SARNP: variants seen among roughly 807,000 people sequenced by gnomAD.
SARNP encodes SAP domain-containing ribonucleoprotein.
Under a neutral mutation model 38.1 loss-of-function variants are expected in SARNP, and 5 were observed. The observed-to-expected ratio is 0.13, with a 90% CI of 0.07 to 0.28. The LOEUF (loss-of-function observed/expected upper bound fraction) is 0.28, where lower values mean the gene tolerates loss of function less well. Ranked by LOEUF, SARNP falls within the 10% of genes least tolerant of loss-of-function variation. The pLI, the probability that SARNP is intolerant of heterozygous loss-of-function variation, is 1.00. For missense variants in SARNP, 180 were observed against 243.9 expected, an observed-to-expected ratio of 0.74 and a Z score of 1.75; for synonymous variants, 84 against 80.6, an observed-to-expected ratio of 1.04 and a Z score of -0.23.
intron 9 of SARNP, among the ~76,000 whole-genome samples, chr12:55,772,510 T>C (rs1879037130): frequency 6.6e-6 from 1 of 152,034 alleles, no homozygotes; most frequent in Non-Finnish European, 1.5e-5. Context: ...GAGGAGGTCG[T>C]TTCGGTCTTG....
At chr12:55,796,916 G>C (rs550317673) in intron 4 of SARNP, among the ~76,000 whole-genome samples, 1 of 152,294 alleles carries the variant, frequency 6.6e-6, no homozygotes, top group East Asian at 1.9e-4. Context: ...AAAAGTCTAA[G>C]GGGAGTTTGA....
intron 1 of SARNP, among the ~76,000 whole-genome samples, chr12:55,809,750 C>CAAA (rs56963700): frequency 7.0e-6 from 1 of 142,700 alleles, no homozygotes; most frequent in South Asian, 2.2e-4. Context: ...TCTCAAAAAA[C>CAAA]AAAAAAAAAA....
chr12:55,762,788 TC>T (rs1312720426), intron 9 of SARNP, among the ~76,000 whole-genome samples: 1 of 152,204 alleles, frequency 6.6e-6, no homozygotes, highest in African/African-American at 2.4e-5. Flanking sequence ...GTTGTCTTTG[TC>T]CCTGTGGCCA....
chr12:55,779,082 G>A (rs1879268650), intron 9 of SARNP, among the ~76,000 whole-genome samples: 1 of 152,202 alleles, frequency 6.6e-6, no homozygotes, highest in Non-Finnish European at 1.5e-5. Flanking sequence ...GACTATGTGA[G>A]GTTGAGTTTT....
intron 1 of SARNP, among the ~76,000 whole-genome samples, chr12:55,811,589 A>C (rs1880329045): frequency 6.6e-6 from 1 of 152,102 alleles, no homozygotes; most frequent in Non-Finnish European, 1.5e-5. Flanking sequence ...ACAAACAAAC[A>C]AACAAACAAA....
intron 1 of SARNP, among the ~76,000 whole-genome samples, chr12:55,814,870 AT>A (rs1254035068): frequency 1.3e-5 from 2 of 150,462 alleles, no homozygotes; most frequent in Non-Finnish European, 3.0e-5. Flanking sequence ...CTCCATCTCA[AT>A]TTAAAAAAAA....
chr12:55,774,558 T>TAAAAAAAACAAAAAAAAAAAAAAAAA (rs1565673497), intron 9 of SARNP, among the ~76,000 whole-genome samples: 1 of 40,488 alleles, frequency 2.5e-5, no homozygotes, highest in African/African-American at 4.5e-5. Flanking sequence ...CCGTCTCTAC[T>TAAAAAAAACAAAAAAAAAAAAAAAAA]GAAAAAAAAA....
chr12:55,768,141 T>C (rs1472504739), intron 9 of SARNP, among the ~76,000 whole-genome samples: 1 of 152,094 alleles, frequency 6.6e-6, no homozygotes, highest in Non-Finnish European at 1.5e-5. Context: ...TATTTATTTA[T>C]TTAGAGACAG....
chr12:55,788,830 T>C (rs527241203), intron 9 of SARNP, among the ~76,000 whole-genome samples: 3 of 151,944 alleles, frequency 2.0e-5, no homozygotes, highest in Admixed American at 2.0e-4. Context: ...AAAAGAAATG[T>C]AGACCACGCT....
At chr12:55,767,018 C>T (rs1878857941) in intron 9 of SARNP, among the ~76,000 whole-genome samples, 1 of 152,084 alleles carries the variant, frequency 6.6e-6, no homozygotes, top group South Asian at 2.1e-4. Context: ...GAATACAGTT[C>T]CAAACTGAGC....
chr12:55,761,337 A>T (rs1878669499), intron 9 of SARNP, among the ~76,000 whole-genome samples: 1 of 152,350 alleles, frequency 6.6e-6, no homozygotes, highest in South Asian at 2.1e-4. Flanking sequence ...TACCCAAACT[A>T]CTTGTTGAAC....
chr12:55,815,308 T>C (rs772100360), intron 1 of SARNP, among the ~76,000 whole-genome samples: 1 of 151,256 alleles, frequency 6.6e-6, no homozygotes, highest in African/African-American at 2.4e-5. Flanking sequence ...TCCCAAAGAG[T>C]TGGGATTACA....
In SARNP at chr12:55,780,814, A is replaced by G. The variant is rs149623401; in HGVS notation, c.501+8261T>C. On this transcript the variant is annotated intron_variant, in intron 9 of 10. Transcript: ENST00000336133. Reference sequence around the variant, plus strand: ...TATGCTGGACAAGGGGATGATTCACATACCCGAGCAGAACAGGGCAAGATT... The same window carrying G: ...TATGCTGGACAAGGGGATGATTCACGTACCCGAGCAGAACAGGGCAAGATT... Among the ~76,000 whole-genome samples the G allele has an allele frequency of 2.0e-5, 3 of 152,372 alleles. No homozygotes were observed. In the East Asian group the frequency reaches 5.8e-4, roughly 29 times the overall value.
chr12:55,795,239 C>T (rs1300919863), intron 5 of SARNP, among the ~76,000 whole-genome samples: 1 of 152,062 alleles, frequency 6.6e-6, no homozygotes, highest in African/African-American at 2.4e-5. Context: ...GGATTACAAG[C>T]GTGAGCCACC....
intron 5 of SARNP, among the ~76,000 whole-genome samples, chr12:55,795,480 TG>T (rs1187212149): frequency 6.6e-6 from 1 of 152,206 alleles, no homozygotes; most frequent in African/African-American, 2.4e-5. Context: ...AAGCTATGTT[TG>T]GCTGACCTTT....
chr12:55,805,606 G>C lies in SARNP; in HGVS notation c.37-1878C>G, dbSNP rs886826809. 3.3e-5 allele frequency among the ~76,000 whole-genome samples: 5 copies of C among 152,262 alleles called. No homozygotes were observed. In the East Asian group the frequency reaches 5.8e-4, roughly 18 times the overall value. On this transcript the variant is annotated intron_variant, in intron 1 of 10. Transcript: ENST00000336133. ...TCACGCCTGTAATCCCAGCACTTTG[G>C]GGGGCCTAGGCAGGCAGATCAACTG...
chr12:55,766,477 C>A (rs1388804790), intron 9 of SARNP, among the ~76,000 whole-genome samples: 1 of 152,106 alleles, frequency 6.6e-6, no homozygotes, highest in East Asian at 1.9e-4. Context: ...TATATACAAA[C>A]CTCATGGTAC....
chr12:55,801,527 G>A (rs1167066903), intron 2 of SARNP, among the ~76,000 whole-genome samples: 4 of 152,114 alleles, frequency 2.6e-5, no homozygotes, highest in Non-Finnish European at 5.9e-5. Flanking sequence ...AAACAACCCA[G>A]AACCAAAAGT....
chr12:55,779,805 G>GT (rs1475309771), intron 9 of SARNP, among the ~76,000 whole-genome samples: 1 of 152,096 alleles, frequency 6.6e-6, no homozygotes, highest in East Asian at 1.9e-4. Flanking sequence ...GATTTTACCT[G>GT]TAATTTTAAT....
Sources: allele counts gnomAD v4.1 joint callset (sites outside exome capture counted in the v4.1 genomes callset), GRCh38; gene constraint gnomAD v4.1.1; transcripts MANE v1.5; gene names NCBI Gene and HGNC (gene_info 2026-07-23, HGNC 2026-07-21).